Variants in POMP observed in about 807,000 individuals in gnomAD.
POMP encodes the protein proteasome maturation protein, also known as 2510048O06Rik.
POMP carries 12 observed loss-of-function variants against 20.6 expected under a neutral mutation model. The ratio of observed to expected loss-of-function variants is 0.58; its 90% CI spans 0.37 to 0.94. POMP has a LOEUF of 0.94. Ranked by LOEUF, POMP falls within the 40% of genes least tolerant of loss-of-function variation. The pLI, the probability that POMP is intolerant of heterozygous loss-of-function variation, is 0.01. For missense variants in POMP, 136 were observed against 161.1 expected, an observed-to-expected ratio of 0.84 and a Z score of 0.84; for synonymous variants, 53 against 55.0, an observed-to-expected ratio of 0.96 and a Z score of 0.16.
At chr13:28,674,425 TATG>T (rs1451052294) in intron 5 of POMP, among the ~76,000 whole-genome samples, 1 of 152,182 alleles carries the variant, frequency 6.6e-6, no homozygotes, top group African/African-American at 2.4e-5. Flanking sequence ...TGCTTTGTCT[TATG>T]AGGCTGAAAC....
intron 5 of POMP, among the ~76,000 whole-genome samples, chr13:28,674,917 T>C (rs533780303): frequency 6.6e-6 from 1 of 151,848 alleles, no homozygotes; most frequent in South Asian, 2.1e-4. Context: ...TGTGCAGCTG[T>C]AGTCCCAGGT....
intron 4 of POMP, among the ~76,000 whole-genome samples, chr13:28,670,592 C>G (rs2137796740): frequency 6.6e-6 from 1 of 152,332 alleles, no homozygotes; most frequent in Admixed American, 6.5e-5. Flanking sequence ...TAGTGTGGCT[C>G]TGTCCATGAA....
Position 28,678,210 on chromosome 13 carries a change from T to C in POMP, c.*108T>C, listed in dbSNP as rs1484360425. ...AGTACTGACACCTGAGAATTTCTGCTCAAGTAGTATCAGTGATCATTTAAA... is the reference window on the plus strand; with the variant it reads ...AGTACTGACACCTGAGAATTTCTGCCCAAGTAGTATCAGTGATCATTTAAA... On this transcript the variant is annotated 3_prime_UTR_variant, in exon 6 of 6. Coordinates refer to ENST00000380842, the MANE Select transcript of POMP (RefSeq NM_015932.6). 1 of 1,087,518 alleles carries C rather than the reference T, an allele frequency of 9.2e-7. No individual in the cohort carries two copies. The highest frequency in any genetic ancestry group is 1.4e-6 in the Non-Finnish European group (1 of 712,142). 67.4% of individuals were successfully genotyped at this position (1,087,518 alleles called of 1,614,324 possible). A position where few individuals can be genotyped will look rare whatever the true frequency, so the allele number is the denominator to read the frequency against.
chr13:28,663,489 T>C (rs1875343147), intron 2 of POMP, among the ~76,000 whole-genome samples: 1 of 152,136 alleles, frequency 6.6e-6, no homozygotes, highest in Non-Finnish European at 1.5e-5. Context: ...TTTGTATTTT[T>C]AGTAGAGACG....
chr13:28,677,719 T>G (rs1029345870), intron 5 of POMP, among the ~76,000 whole-genome samples: 4 of 152,266 alleles, frequency 2.6e-5, no homozygotes, highest in Admixed American at 1.3e-4. Flanking sequence ...ATCTGTTTTT[T>G]CTTTTTAAAT....
rs1884362137 is a variant in POMP, at chr13:28,662,479, T to C, written c.73T>C (p.Phe25Leu). ...TACTGAACTTTCAGCAAGTGGACCT[T>C]TTGAAAGTCATGATCTTCTTCGGAA... The part of the protein sequence containing the change: ...PVTELSASGP[F>L]ESHDLLRKGF... Residue 25 changes from phenylalanine (F) to leucine (L), a missense_variant, in exon 2 of 6, where the codon TTT becomes CTT. Transcript: ENST00000380842. 3 of 1,613,438 alleles carry C rather than the reference T, an allele frequency of 1.9e-6. No individual in the cohort carries two copies. The highest frequency in any genetic ancestry group is 2.2e-5 in the East Asian group (1 of 44,864).
intron 4 of POMP, among the ~76,000 whole-genome samples, chr13:28,669,665 C>G (rs1306331524): frequency 6.6e-6 from 1 of 152,182 alleles, no homozygotes; most frequent in East Asian, 1.9e-4. Flanking sequence ...TTCCTGATGT[C>G]CTCCTTTCTG....
chr13:28,675,234 G>A (rs1210892066), intron 5 of POMP, among the ~76,000 whole-genome samples: 1 of 151,488 alleles, frequency 6.6e-6, no homozygotes, highest in Non-Finnish European at 1.5e-5. Context: ...TCCACCTCCT[G>A]GGTTCAAGCA....
At chr13:28,664,432 A>G in intron 2 of POMP, 77 bp from the exon 3 acceptor site, 1 of 976,556 alleles carries the variant, frequency 1.0e-6, no homozygotes, top group South Asian at 1.5e-5. Flanking sequence ...CCATCCCTTT[A>G]TAGATATGAT....
intron 1 of POMP, 136 bp downstream of exon 1, chr13:28,659,323 C>G: frequency 7.1e-7 from 1 of 1,404,202 alleles, no homozygotes; most frequent in South Asian, 1.2e-5. Flanking sequence ...CCTCAGGCGC[C>G]ATAATCTGTC....
At chr13:28,665,126 A>C (rs1884418618) in intron 3 of POMP, among the ~76,000 whole-genome samples, 1 of 152,216 alleles carries the variant, frequency 6.6e-6, no homozygotes, top group African/African-American at 2.4e-5. Context: ...TTTATAGAAG[A>C]GGAGGGACCT....
chr13:28,670,156 C>G (rs1272304761), intron 4 of POMP, among the ~76,000 whole-genome samples: 2 of 152,138 alleles, frequency 1.3e-5, no homozygotes, highest in African/African-American at 4.8e-5. Context: ...TTCTCATGAG[C>G]TATAAACCTA....
At chr13:28,659,609 C>T (rs1884298812) in intron 1 of POMP, among the ~76,000 whole-genome samples, 1 of 152,170 alleles carries the variant, frequency 6.6e-6, no homozygotes, top group South Asian at 2.1e-4. Flanking sequence ...CCCCAGCCCC[C>T]GCCCTTGTAA....
intron 2 of POMP, 124 bp from the exon 3 acceptor site, chr13:28,664,385 A>G (rs528027234): frequency 3.1e-6 from 2 of 642,698 alleles, no homozygotes; most frequent in South Asian, 1.9e-5. Flanking sequence ...CAGTCAAGAT[A>G]CAGAACAGTT....
intron 4 of POMP, among the ~76,000 whole-genome samples, chr13:28,669,574 C>T (rs533909564): frequency 6.6e-6 from 1 of 152,256 alleles, no homozygotes; most frequent in African/African-American, 2.4e-5. Context: ...GAAACGGGCT[C>T]TTGCTATGTT....
At chr13:28,675,017 C>T (rs193116631) in intron 5 of POMP, among the ~76,000 whole-genome samples, 9 of 151,890 alleles carry the variant, frequency 5.9e-5, no homozygotes, top group Non-Finnish European at 8.8e-5. Context: ...CCAGCCTGGG[C>T]GACAGAGTGA....
Position 28,662,506 on chromosome 13 carries a change from G to A in POMP, c.100G>A (p.Gly34Ser), listed in dbSNP as rs1184975377. The A allele has an allele frequency of 6.2e-7, 1 of 1,600,248 alleles. No homozygotes were observed. Among genetic ancestry groups the A allele is most frequent in the Non-Finnish European group, 8.6e-7 (1 of 1,167,410 alleles). The change falls in exon 2 of 6, where the codon GGT becomes AGT. Residue 34 changes from glycine to serine, a missense_variant and splice_region_variant. By Grantham distance (56) the Gly-to-Ser change is moderately conservative (BLOSUM62 0). Coordinates refer to ENST00000380842, the MANE Select transcript of POMP (RefSeq NM_015932.6). ...TGAAAGTCATGATCTTCTTCGGAAA[G>A]GGTATATGGGGGAGTTATGACTTTG... is the stretch of plus-strand genomic sequence containing the variant. ...PFESHDLLRK[G>S]FSCVKNELLP...
At chr13:28,675,063 C>T (rs1189772348) in intron 5 of POMP, among the ~76,000 whole-genome samples, 1 of 151,950 alleles carries the variant, frequency 6.6e-6, no homozygotes, top group African/African-American at 2.4e-5. Flanking sequence ...AAGCCACTTG[C>T]TATCTTGTGG....
chr13:28,666,316 G>A (rs892975041), intron 3 of POMP, among the ~76,000 whole-genome samples: 44 of 152,110 alleles, frequency 2.9e-4, no homozygotes, highest in African/African-American at 1.0e-3. Context: ...TGCAGTCTTG[G>A]GCTTTGTTAA....
Sources: allele counts gnomAD v4.1 joint callset (sites outside exome capture counted in the v4.1 genomes callset), GRCh38; gene constraint gnomAD v4.1.1; transcripts MANE v1.5; gene names NCBI Gene and HGNC (gene_info 2026-07-23, HGNC 2026-07-21).